Variants in LNPK observed in about 807,000 individuals in gnomAD.
LNPK encodes endoplasmic reticulum junction formation protein lunapark.
In LNPK, 29 loss-of-function variants were observed where a neutral mutation model predicts 55.2. The observed-to-expected ratio is 0.53, with a 90% CI of 0.39 to 0.72. The LOEUF (loss-of-function observed/expected upper bound fraction) is 0.72, where lower values mean the gene tolerates loss of function less well. Among genes scored for constraint, LNPK ranks in the 30% least tolerant of loss-of-function variants. The pLI, the probability that LNPK is intolerant of heterozygous loss-of-function variation, is 0.00. For missense variants in LNPK, 467 were observed against 494.8 expected, an observed-to-expected ratio of 0.94 and a Z score of 0.53; for synonymous variants, 162 against 168.2, an observed-to-expected ratio of 0.96 and a Z score of 0.29.
intron 11 of LNPK, among the ~76,000 whole-genome samples, 190 bp downstream of exon 11, chr2:175,938,123 G>T (rs1409614721): frequency 6.6e-6 from 1 of 152,086 alleles, no homozygotes; most frequent in Non-Finnish European, 1.5e-5. Flanking sequence ...TGGCCTAGGG[G>T]CTGTACATTA....
chr2:175,997,776 C>T (rs1688001805), intron 1 of LNPK, among the ~76,000 whole-genome samples: 1 of 150,544 alleles, frequency 6.6e-6, no homozygotes, highest in African/African-American at 2.4e-5. Flanking sequence ...CTCACTGACA[C>T]CCAGGCTGGA....
intron 5 of LNPK, among the ~76,000 whole-genome samples, chr2:175,971,891 T>A (rs1686678772): frequency 6.6e-6 from 1 of 152,190 alleles, no homozygotes; most frequent in Non-Finnish European, 1.5e-5. Flanking sequence ...TATTTTGGGC[T>A]TTATGGGCCA....
At chr2:175,998,459 A>T (rs1688036723) in intron 1 of LNPK, among the ~76,000 whole-genome samples, 1 of 151,384 alleles carries the variant, frequency 6.6e-6, no homozygotes, top group Admixed American at 6.6e-5. Flanking sequence ...AAAAAAAAAA[A>T]AGAAGAAAAG....
intron 12 of LNPK, among the ~76,000 whole-genome samples, chr2:175,934,799 A>G (rs1318881628): frequency 6.6e-6 from 1 of 151,772 alleles, no homozygotes; most frequent in African/African-American, 2.4e-5. Flanking sequence ...CAAAAAGACA[A>G]TCTATATCCA....
At chr2:175,954,784 T>C (rs1036924215) in intron 8 of LNPK, among the ~76,000 whole-genome samples, 1 of 152,232 alleles carries the variant, frequency 6.6e-6, no homozygotes, top group Admixed American at 6.5e-5. Flanking sequence ...AATAAATGTT[T>C]ACTTTTATTT....
chr2:175,940,883 A>T, intron 9 of LNPK: 1 of 389,358 alleles, frequency 2.6e-6, no homozygotes. Context: ...AAATCCACAG[A>T]TTATGTGTAC....
At chr2:175,950,732 A>AT (rs147290996) in intron 8 of LNPK, among the ~76,000 whole-genome samples, 199 of 152,230 alleles carry the variant, frequency 1.3e-3, no homozygotes, top group Non-Finnish European at 2.1e-3. Context: ...CAGCTTTCTC[A>AT]TAATGCGAAT....
At chr2:175,988,609 C>A (rs950262541) in intron 4 of LNPK, among the ~76,000 whole-genome samples, 1 of 151,652 alleles carries the variant, frequency 6.6e-6, no homozygotes, top group Non-Finnish European at 1.5e-5. Context: ...ATTTAACCAC[C>A]AAAGACTTCA....
intron 9 of LNPK, among the ~76,000 whole-genome samples, chr2:175,944,321 AATATC>A (rs1256495895): frequency 1.3e-5 from 2 of 152,164 alleles, no homozygotes; most frequent in Non-Finnish European, 2.9e-5. Context: ...TAAATTAGAC[AATATC>A]ATAAGATACT....
intron 9 of LNPK, among the ~76,000 whole-genome samples, chr2:175,942,270 G>A (rs1439056515): frequency 1.3e-5 from 2 of 152,124 alleles, no homozygotes; most frequent in Non-Finnish European, 2.9e-5. Context: ...AAAGTATATG[G>A]AAGGATATGT....
chr2:176,002,014 G>C (rs1307074858), intron 1 of LNPK, 146 bp downstream of exon 1: 1 of 287,436 alleles, frequency 3.5e-6, no homozygotes. Flanking sequence ...ACTAGCAGCC[G>C]CCGCAGAGCT....
chr2:175,988,319 T>C (rs937470386), intron 4 of LNPK, among the ~76,000 whole-genome samples: 6 of 151,606 alleles, frequency 4.0e-5, no homozygotes, highest in East Asian at 3.9e-4. Flanking sequence ...CTGGTCAACA[T>C]GCTGACACCC....
Position 175,930,066 on chromosome 2 carries a change from C to T in LNPK, c.1188G>A (p.Glu396=). 1.2e-6 allele frequency: 2 copies of T among 1,614,086 alleles called. No homozygotes were observed. The highest frequency in any genetic ancestry group is 1.7e-6 in the Non-Finnish European group (2 of 1,179,960). The change falls in exon 13 of 13, where the codon GAG becomes GAA. Residue 396 remains glutamate, a synonymous_variant. Transcript: ENST00000272748. ...TTTCAATCACTGAGGCTTCCTCATT[C>T]TCAGTCTCTTGTTTCTCCTCTGGTT... ...SEEPEEKQET[E]NEEASVIETN...
chr2:175,994,707 A>C (rs1687852951), intron 2 of LNPK, among the ~76,000 whole-genome samples: 1 of 151,438 alleles, frequency 6.6e-6, no homozygotes, highest in African/African-American at 2.4e-5. Flanking sequence ...TTTAGTAGAG[A>C]CGGGGTTATA....
At chr2:175,941,827 G>A (rs1228213590) in intron 9 of LNPK, among the ~76,000 whole-genome samples, 4 of 122,196 alleles carry the variant, frequency 3.3e-5, no homozygotes, top group African/African-American at 3.2e-5. Flanking sequence ...AAAGAAGAGA[G>A]AGAGAAATCT....
intron 9 of LNPK, among the ~76,000 whole-genome samples, chr2:175,943,602 AGTTT>A (rs775410312): frequency 3.9e-5 from 6 of 152,118 alleles, no homozygotes; most frequent in Non-Finnish European, 7.4e-5. Flanking sequence ...AAAGCAAGTT[AGTTT>A]AACATTTAAA....
chr2:175,988,376 G>C (rs1054981720), intron 4 of LNPK, among the ~76,000 whole-genome samples: 3 of 151,804 alleles, frequency 2.0e-5, no homozygotes, highest in Non-Finnish European at 2.9e-5. Flanking sequence ...GATAGGGATG[G>C]TGGTGAATGC....
In LNPK at chr2:175,960,428, T is replaced by C. The variant is rs188846228; in HGVS notation, c.493+3944A>G. ...TCTCACTCAAAACCACACAACTACA[T>C]GGAAACTGAACAACCTGCTCCTGAA... On this transcript the variant is annotated intron_variant, in intron 8 of 12. Coordinates refer to ENST00000272748, the MANE Select transcript of LNPK (RefSeq NM_030650.3). Among the ~76,000 whole-genome samples the C allele has an allele frequency of 6.4e-3, 971 of 152,194 alleles. 38 individuals carry two copies. The highest frequency in any genetic ancestry group is 1.5e-3 in the Non-Finnish European group (105 of 68,012).
Position 175,947,709 on chromosome 2 carries a change from C to T in LNPK, c.494-17G>A. On this transcript the variant is annotated splice_polypyrimidine_tract_variant and intron_variant, in intron 8 of 12. Transcript: ENST00000272748. The stretch of plus-strand genomic sequence containing the variant: ...GACGAATCTCTGAGAAGAGTAAGTA[C>T]ATACTAGACTTAATTTCCAATATAC... The T allele has an allele frequency of 6.4e-7, 1 of 1,555,712 alleles. No homozygotes were observed. Among genetic ancestry groups the T allele is most frequent in the Non-Finnish European group, 8.8e-7 (1 of 1,142,722 alleles).
Sources: gnomAD v4.1 joint callset for allele counts (sites outside exome capture counted in the v4.1 genomes callset) on GRCh38, gnomAD v4.1.1 for gene constraint, MANE v1.5 for transcripts, NCBI Gene and HGNC (gene_info 2026-07-23, HGNC 2026-07-21) for gene names.